Variants in SLC4A3 observed in about 807,000 individuals in gnomAD.
SLC4A3 encodes the protein solute carrier family 4 member 3.
SLC4A3 carries 47 observed loss-of-function variants against 114.2 expected under a neutral mutation model. That is an observed-to-expected ratio of 0.41 (90% confidence interval 0.33 to 0.52). The LOEUF (loss-of-function observed/expected upper bound fraction) is 0.52, where lower values mean the gene tolerates loss of function less well. SLC4A3 is among the 20% of genes least tolerant of loss of function. SLC4A3 has a pLI of 0.21. For synonymous variants in SLC4A3, 693 were observed against 710.3 expected, an observed-to-expected ratio of 0.98 and a Z score of 0.39; for missense variants, 1,312 against 1,668.3, an observed-to-expected ratio of 0.79 and a Z score of 3.72.
At chr2:219,633,731 G>A in intron 10 of SLC4A3, 149 bp from the exon 11 acceptor site, 1 of 1,254,506 alleles carries the variant, frequency 8.0e-7, no homozygotes, top group Non-Finnish European at 1.1e-6. Flanking sequence ...CATCCCAGCT[G>A]GTGGCTCCCA....
intron 3 of SLC4A3, 60 bp from the exon 4 acceptor site, chr2:219,629,084 G>A (rs1012902155): frequency 1.3e-5 from 20 of 1,508,930 alleles, no homozygotes; most frequent in Admixed American, 8.8e-5. Context: ...GTGTGCCCTC[G>A]GGTGGGGAGG....
At position 219,641,077 on chromosome 2, in the gene SLC4A3, C is replaced by A; in HGVS notation, c.3621+115C>A. ...TGTGAAACTTGTGTAACTTGTGTTG[C>A]AAGTTATCTCACCTTCCGAAATCTT... On this transcript the variant is annotated intron_variant, in intron 22 of 22. Transcript: ENST00000358055. This position sits in a 1 kb window ranked among gnomAD's most constrained non-coding sequence, Gnocchi z 4.0. 2.1e-6 allele frequency: 2 copies of A among 966,384 alleles called. No individual in the cohort carries two copies. The highest frequency in any genetic ancestry group is 3.1e-6 in the Non-Finnish European group (2 of 649,322). 59.9% of individuals were successfully genotyped at this position (966,384 alleles called of 1,614,324 possible).
Position 219,630,011 on chromosome 2 carries a change from T to G in SLC4A3, c.612-142T>G. The G allele has an allele frequency of 6.7e-7, 1 of 1,489,180 alleles. No individual in the cohort carries two copies. Among genetic ancestry groups the G allele is most frequent in the Non-Finnish European group, 9.0e-7 (1 of 1,112,390 alleles). The allele number at this position is 1,489,180 out of a possible 1,614,324, so 92.2% of individuals were successfully genotyped here. On this transcript the variant is annotated intron_variant, in intron 5 of 22. Transcript: ENST00000358055. The surrounding 1 kb of genome is among the most constrained non-coding windows in gnomAD (Gnocchi z 6.9). ...GGAGCCACGGGATGGGGAGGGGGCC[T>G]GGGTCAGCATCCTTTGCTGCCCAGG...
Position 219,635,402 on chromosome 2 carries a change from T to G in SLC4A3, c.1878T>G (p.Ala626=). The G allele has an allele frequency of 6.2e-6, 10 of 1,614,168 alleles. No individual in the cohort carries two copies. The highest frequency in any genetic ancestry group is 8.5e-6 in the Non-Finnish European group (10 of 1,180,024). Residue 626 remains alanine (A), a synonymous_variant, in exon 13 of 23, where the codon GCT becomes GCG. Coordinates refer to ENST00000358055, the MANE Select transcript of SLC4A3 (RefSeq NM_005070.4). ...GCCGTGACCTGCTGCGCTCCGTGGC[T>G]GCTTTCCAGCGAGAGCTGCTTAGGA... ...VEGRDLLRSV[A]AFQRELLRKR...
intron 14 of SLC4A3, 95 bp downstream of exon 14, chr2:219,635,986 T>A: frequency 1.0e-6 from 1 of 1,000,338 alleles, no homozygotes; most frequent in Non-Finnish European, 1.4e-6. Context: ...GTGATCACAT[T>A]AGGGGGCCAA....
At chr2:219,635,982 A>G (rs769179985) in intron 14 of SLC4A3, 91 bp downstream of exon 14, 44 of 1,045,330 alleles carry the variant, frequency 4.2e-5, no homozygotes, top group Non-Finnish European at 5.6e-5. Context: ...GGGTGTGATC[A>G]CATTAGGGGG....
Position 219,630,028 on chromosome 2 carries a change from C to G in SLC4A3, c.612-125C>G. 2 of 1,510,778 alleles carry G rather than the reference C, an allele frequency of 1.3e-6. No individual in the cohort carries two copies. The highest frequency in any genetic ancestry group is 1.8e-6 in the Non-Finnish European group (2 of 1,128,544). 93.6% of individuals were successfully genotyped at this position (1,510,778 alleles called of 1,614,324 possible). Reference sequence around the variant, plus strand: ...AGGGGGCCTGGGTCAGCATCCTTTGCTGCCCAGGAGGGGCCTGGGTCTCAT... The same window carrying G: ...AGGGGGCCTGGGTCAGCATCCTTTGGTGCCCAGGAGGGGCCTGGGTCTCAT... On this transcript the variant is annotated intron_variant, in intron 5 of 22. Transcript: ENST00000358055. The surrounding 1 kb of genome is among the most constrained non-coding windows in gnomAD (Gnocchi z 6.9).
At chr2:219,634,353 A>G (rs1013854720) in intron 11 of SLC4A3, 67 bp from the exon 12 acceptor site, 30 of 1,516,798 alleles carry the variant, frequency 2.0e-5, no homozygotes, top group African/African-American at 1.9e-4. Context: ...AGCCCTAGAT[A>G]GCTGCCCCAG....
In SLC4A3 at chr2:219,637,205, TGTGTGG is replaced by T. The variant is rs1553552112; in HGVS notation, c.2535+344_2535+349del. Among the ~76,000 whole-genome samples, 8 of 128,706 alleles carry T rather than the reference TGTGTGG, an allele frequency of 6.2e-5. No homozygotes were observed. Among genetic ancestry groups the T allele is most frequent in the South Asian group, 2.5e-4 (1 of 3,986 alleles). The allele number at this position is 128,706 out of a possible 152,430, so 84.4% of individuals were successfully genotyped here. ...CCTTTTGTAGAGGAGTGTGTGTGTG[TGTGTGG>T]GTGTGGGTGTGGTGTGAGTATGGTG... On this transcript the variant is annotated intron_variant, in intron 16 of 22. Coordinates refer to ENST00000358055, the MANE Select transcript of SLC4A3 (RefSeq NM_005070.4). This position sits in a 1 kb window ranked among gnomAD's most constrained non-coding sequence, Gnocchi z 4.6.
intron 21 of SLC4A3, 25 bp from the exon 22 acceptor site, chr2:219,640,764 T>C (rs1395321923): frequency 1.9e-6 from 3 of 1,605,940 alleles, no homozygotes; most frequent in Non-Finnish European, 2.6e-6. Context: ...CGCTGTGCAC[T>C]GGGGCCCACT....
intron 12 of SLC4A3, 74 bp from the exon 13 acceptor site, chr2:219,635,197 C>T (rs892634871): frequency 8.2e-7 from 1 of 1,213,542 alleles, no homozygotes; most frequent in African/African-American, 1.5e-5. Flanking sequence ...AGTGACCCAA[C>T]ACCCGCCTCA....
In SLC4A3 at chr2:219,628,323, C is replaced by T; in HGVS notation, c.52-82C>T. The T allele has an allele frequency of 7.1e-7, 1 of 1,414,584 alleles. No homozygotes were observed. Among genetic ancestry groups the T allele is most frequent in the Non-Finnish European group, 9.5e-7 (1 of 1,058,110 alleles). The allele number at this position is 1,414,584 out of a possible 1,614,324, so 87.6% of individuals were successfully genotyped here. A position where few individuals can be genotyped will look rare whatever the true frequency, so the allele number is the denominator to read the frequency against. On this transcript the variant is annotated intron_variant, in intron 2 of 22. Coordinates refer to ENST00000358055, the MANE Select transcript of SLC4A3 (RefSeq NM_005070.4). The surrounding 1 kb of genome is among the most constrained non-coding windows in gnomAD (Gnocchi z 4.8). ...GATGGTGTGAGAGCCTGCTGAGCTC[C>T]CCCAACTAGGGCTTGGAGTTGGGGT...
In SLC4A3 at chr2:219,640,944, G is replaced by A. The variant is rs539958734; in HGVS notation, c.3603G>A (p.Gln1201=). The A allele has an allele frequency of 1.9e-6, 3 of 1,607,188 alleles. No individual in the cohort carries two copies. The highest frequency in any genetic ancestry group is 1.7e-5 in the Admixed American group (1 of 60,020). The stretch of plus-strand genomic sequence containing the variant: ...ATTGCCTTCTGCCCCGGCTCTTCCA[G>A]GACAGGGAGCTGCAGGCGGTAAGGG... The part of the protein sequence containing the change: ...LRHCLLPRLF[Q]DRELQALDSE... The change falls in exon 22 of 23, where the codon CAG becomes CAA. Residue 1201 remains glutamine, a synonymous_variant. Transcript: ENST00000358055.
At position 219,629,233 on chromosome 2, in the gene SLC4A3, G is replaced by C. The variant is rs1199650348; in HGVS notation, c.307G>C (p.Ala103Pro). ...HKLRRLPPTSARHTRRKRKKE... is the reference protein window; with the variant it reads ...HKLRRLPPTSPRHTRRKRKKE... Reference sequence around the variant, plus strand: ...GCTGCGGCGGCTGCCCCCCACCTCTGCCCGGCACACCAGGAGAAAGAGGAA... The same window carrying C: ...GCTGCGGCGGCTGCCCCCCACCTCTCCCCGGCACACCAGGAGAAAGAGGAA... Residue 103 changes from alanine to proline, a missense_variant, in exon 4 of 23, where the codon GCC (alanine) becomes CCC (proline). Physicochemically the swap from Ala to Pro is conservative, Grantham distance 27. Coordinates refer to ENST00000358055, the MANE Select transcript of SLC4A3 (RefSeq NM_005070.4). The C allele has an allele frequency of 1.2e-6, 2 of 1,613,454 alleles. No individual in the cohort carries two copies. The highest frequency in any genetic ancestry group is 8.5e-7 in the Non-Finnish European group (1 of 1,179,920).
chr2:219,627,999 A>C lies in SLC4A3; in HGVS notation c.7A>C (p.Asn3His). The C allele has an allele frequency of 6.2e-7, 1 of 1,600,020 alleles. No homozygotes were observed. Among genetic ancestry groups the C allele is most frequent in the Non-Finnish European group, 8.5e-7 (1 of 1,174,442 alleles). The change falls in exon 2 of 23, where the codon AAC becomes CAC. Residue 3 changes from asparagine to histidine, a missense_variant. Transcript: ENST00000358055. The part of the protein sequence containing the change: MA[N>H]GVIPPPGGAS... ...CCCAGCCGCCTACCTGGCCATGGCC[A>C]ACGGAGTGATCCCGCCGCCCGGGGG...
Position 219,636,296 on chromosome 2 carries a change from T to C in SLC4A3, c.2192-6T>C, listed in dbSNP as rs2106196638. The stretch of plus-strand genomic sequence containing the variant: ...GGCTAGGGCCATCCTACCCGTGCTA[T>C]GGCAGGAGAGAAGACCGAGGGGCTG... On this transcript the variant is annotated splice_region_variant and splice_polypyrimidine_tract_variant and intron_variant, in intron 14 of 22. Coordinates refer to ENST00000358055, the MANE Select transcript of SLC4A3 (RefSeq NM_005070.4). The surrounding 1 kb of genome is among the most constrained non-coding windows in gnomAD (Gnocchi z 5.5). The C allele has an allele frequency of 2.5e-6, 4 of 1,613,428 alleles. No homozygotes were observed. The highest frequency in any genetic ancestry group is 1.1e-5 in the South Asian group (1 of 91,080).
chr2:219,637,736 C>T lies in SLC4A3; in HGVS notation c.2691C>T (p.Leu897=), dbSNP rs1699178759. 2 of 1,613,850 alleles carry T rather than the reference C, an allele frequency of 1.2e-6. No individual in the cohort carries two copies. The highest frequency in any genetic ancestry group is 1.7e-6 in the Non-Finnish European group (2 of 1,179,902). ...RNQPNTALLS[L]ILMLGTFFIA... is the part of the protein sequence containing the mutation. ...AGCCCAATACGGCACTGCTCTCACT[C>T]ATCCTCATGCTCGGGACCTTCTTCA... is the stretch of plus-strand genomic sequence containing the variant. The change falls in exon 17 of 23, where the codon CTC becomes CTT. Residue 897 remains leucine (L), a synonymous_variant. Transcript: ENST00000358055. The surrounding 1 kb of genome is among the most constrained non-coding windows in gnomAD (Gnocchi z 4.6).
At chr2:219,640,996 GGGCAA>G in intron 22 of SLC4A3, 34 bp downstream of exon 22, 1 of 1,583,696 alleles carries the variant, frequency 6.3e-7, no homozygotes, top group Non-Finnish European at 8.6e-7. Context: ...AACAGTGTTA[GGGCAA>G]ATGGGCACTG....
Position 219,638,608 on chromosome 2 carries a change from A to G in SLC4A3, c.2857-95A>G. 7.7e-7 allele frequency: 1 copy of G among 1,300,686 alleles called. No individual in the cohort carries two copies. Among genetic ancestry groups the G allele is most frequent in the Non-Finnish European group, 1.1e-6 (1 of 928,622 alleles). 80.6% of individuals were successfully genotyped at this position (1,300,686 alleles called of 1,614,324 possible). ...GACCTGTTCACACCCCAGCTCCCTG[A>G]AGTCCTGGACTGGGGACGCAGCTTA... On this transcript the variant is annotated intron_variant, in intron 18 of 22. Coordinates refer to ENST00000358055, the MANE Select transcript of SLC4A3 (RefSeq NM_005070.4). This position sits in a 1 kb window ranked among gnomAD's most constrained non-coding sequence, Gnocchi z 7.5.
Sources: gnomAD v4.1 joint callset for allele counts (sites outside exome capture counted in the v4.1 genomes callset) on GRCh38, gnomAD v4.1.1 for gene constraint, Gnocchi (gnomAD v3.1) non-coding constraint, MANE v1.5 for transcripts, NCBI Gene and HGNC (gene_info 2026-07-23, HGNC 2026-07-21) for gene names.